The following GRM8 variants were observed in gnomAD, a reference collection of about 807,000 sequenced individuals.
The protein encoded by GRM8 is metabotropic glutamate receptor 8.
In GRM8, 47 loss-of-function variants were observed where a neutral mutation model predicts 87.2. That is an observed-to-expected ratio of 0.54 (90% CI 0.43 to 0.69). The LOEUF is 0.69. GRM8 is among the 30% of genes least tolerant of loss of function. GRM8 has a pLI of 0.00. For missense variants in GRM8, 1,019 were observed against 1,139.2 expected (o/e 0.89, Z 1.52); for synonymous variants, 396 against 404.5 (o/e 0.98, Z 0.25).
At chr7:127,148,354 G>C (rs772269409) in intron 2 of GRM8, among the ~76,000 whole-genome samples, 58 of 151,600 alleles carry the variant, frequency 3.8e-4, no homozygotes, top group South Asian at 8.3e-4. Flanking sequence ...CGGGGAAATA[G>C]ATAGCAATAC....
At chr7:126,820,625 G>T (rs1794209505) in intron 6 of GRM8, among the ~76,000 whole-genome samples, 1 of 152,190 alleles carries the variant, frequency 6.6e-6, no homozygotes, top group South Asian at 2.1e-4. Context: ...CCACGGATAG[G>T]TGTGGTCTTG....
At chr7:126,776,444 A>G (rs1819486109) in intron 6 of GRM8, among the ~76,000 whole-genome samples, 1 of 152,134 alleles carries the variant, frequency 6.6e-6, no homozygotes, top group South Asian at 2.1e-4. Flanking sequence ...GGTTAATGAT[A>G]TCTCCCCAAG....
intron 6 of GRM8, among the ~76,000 whole-genome samples, chr7:126,785,147 C>G (rs1370070958): frequency 6.6e-6 from 1 of 152,160 alleles, no homozygotes; most frequent in Non-Finnish European, 1.5e-5. Context: ...CTCAGCCTCT[C>G]AAGTAACTAA....
intron 2 of GRM8, among the ~76,000 whole-genome samples, chr7:127,222,062 G>T (rs1796966208): frequency 6.6e-6 from 1 of 152,138 alleles, no homozygotes; most frequent in South Asian, 2.1e-4. Context: ...CCCTTAATTT[G>T]CTTCTTAAAT....
intron 2 of GRM8, among the ~76,000 whole-genome samples, chr7:127,128,254 ATT>A (rs959409452): frequency 3.0e-4 from 46 of 152,240 alleles, no homozygotes; most frequent in African/African-American, 1.1e-3. Flanking sequence ...TAAAAATCAG[ATT>A]TATTAACCTC....
intron 9 of GRM8, among the ~76,000 whole-genome samples, chr7:126,476,193 C>T (rs7808001): frequency 0.82 from 125,393 of 152,146 alleles, 52,071 homozygotes; most frequent in African/African-American, 0.94. Context: ...GGACAGGAGT[C>T]TGAGACAAAC....
At chr7:126,601,021 G>A (rs1050039956) in intron 8 of GRM8, among the ~76,000 whole-genome samples, 4 of 151,582 alleles carry the variant, frequency 2.6e-5, no homozygotes, top group East Asian at 1.9e-4. Context: ...ATGCTGGTGC[G>A]CTGCACCCAC....
chr7:127,199,749 C>A (rs1795488025), intron 2 of GRM8, among the ~76,000 whole-genome samples: 1 of 152,180 alleles, frequency 6.6e-6, no homozygotes, highest in Non-Finnish European at 1.5e-5. Context: ...CTCCCGTTTT[C>A]CCCCAGTCCA....
chr7:127,013,127 C>T (rs776340673), intron 3 of GRM8, among the ~76,000 whole-genome samples: 1 of 152,112 alleles, frequency 6.6e-6, no homozygotes, highest in Non-Finnish European at 1.5e-5. Context: ...ACCTGATACC[C>T]AAAGTTACCC....
chr7:127,040,875 G>T (rs1163447299), intron 3 of GRM8, among the ~76,000 whole-genome samples: 1 of 151,952 alleles, frequency 6.6e-6, no homozygotes, highest in African/African-American at 2.4e-5. Flanking sequence ...GAAGAGAATG[G>T]GAAAAACAAA....
At chr7:126,457,516 G>C (rs1803391692) in intron 9 of GRM8, among the ~76,000 whole-genome samples, 1 of 151,328 alleles carries the variant, frequency 6.6e-6, no homozygotes, top group South Asian at 2.1e-4. Context: ...TGTGAAATCA[G>C]ATTAGAAAAT....
intron 9 of GRM8, among the ~76,000 whole-genome samples, chr7:126,469,752 T>A (rs76169233): frequency 0.026 from 3,959 of 152,250 alleles, 77 homozygotes; most frequent in Middle Eastern, 0.048. Context: ...CATTTATAAA[T>A]TACCTAGTCT....
In GRM8 at chr7:127,215,966, C is replaced by T. The variant is rs17865091; in HGVS notation, c.510+26729G>A. 8.1e-3 allele frequency among the ~76,000 whole-genome samples: 1,229 copies of T among 152,280 alleles called. 12 individuals carry two copies. The highest frequency in any genetic ancestry group is 0.028 in the African/African-American group (1,151 of 41,550). On this transcript the variant is annotated intron_variant, in intron 2 of 10. Transcript: ENST00000339582. ...TCACAATATGCTACCACCTACTATTCAGTGGACTTGCTAAAAAGTCACCTA... is the reference window on the plus strand; with the variant it reads ...TCACAATATGCTACCACCTACTATTTAGTGGACTTGCTAAAAAGTCACCTA...
chr7:126,756,786 G>A (rs1232514763), intron 7 of GRM8, among the ~76,000 whole-genome samples: 2 of 152,044 alleles, frequency 1.3e-5, no homozygotes, highest in African/African-American at 4.8e-5. Flanking sequence ...GAGGATAGAG[G>A]ACTTTTAGGT....
At chr7:126,510,682 G>GAGCTTCTA (rs1298543453) in intron 9 of GRM8, among the ~76,000 whole-genome samples, 1 of 8,062 alleles carries the variant, frequency 1.2e-4, no homozygotes. Flanking sequence ...GGAAGATAAA[G>GAGCTTCTA]AGCTTCTAGT....
intron 3 of GRM8, among the ~76,000 whole-genome samples, chr7:126,997,163 A>C (rs887412323): frequency 4.0e-5 from 6 of 150,376 alleles, no homozygotes; most frequent in Admixed American, 6.6e-5. Flanking sequence ...AAAAAAAAAA[A>C]CATGAAAATT....
At chr7:126,617,871 TAA>T (rs1198916803) in intron 7 of GRM8, among the ~76,000 whole-genome samples, 3 of 151,996 alleles carry the variant, frequency 2.0e-5, no homozygotes, top group African/African-American at 7.3e-5. Context: ...CTCAACAAAA[TAA>T]AAGAGGATAC....
intron 3 of GRM8, among the ~76,000 whole-genome samples, chr7:126,909,108 T>G (rs962306486): frequency 5.9e-5 from 9 of 152,302 alleles, no homozygotes; most frequent in Admixed American, 5.9e-4. Flanking sequence ...TATAATTGAA[T>G]GACAATATGT....
At chr7:127,223,914 T>TAAAAA (rs71177597) in intron 2 of GRM8, among the ~76,000 whole-genome samples, 2 of 133,772 alleles carry the variant, frequency 1.5e-5, no homozygotes, top group Non-Finnish European at 3.2e-5. Flanking sequence ...AAATGAAATG[T>TAAAAA]AAAAAAAAAA....
Sources: allele counts gnomAD v4.1 joint callset (sites outside exome capture counted in the v4.1 genomes callset), GRCh38; gene constraint gnomAD v4.1.1; transcripts MANE v1.5; gene names NCBI Gene and HGNC (gene_info 2026-07-23, HGNC 2026-07-21).